The following TMEM175 variants were observed in gnomAD, a reference collection of about 807,000 sequenced individuals.
TMEM175 encodes endosomal/lysosomal proton channel TMEM175.
TMEM175 carries 36 observed loss-of-function variants against 36.5 expected under a neutral mutation model. That is an observed-to-expected ratio of 0.99 (90% CI 0.76 to 1.30). TMEM175 has a LOEUF of 1.30. Among genes scored for constraint, TMEM175 ranks in the 50% most tolerant of loss-of-function variants. TMEM175 has a pLI of 0.00. For missense variants in TMEM175, 705 were observed against 692.8 expected (o/e 1.02, Z -0.20); for synonymous variants, 339 against 313.4 (o/e 1.08, Z -0.86).
chr4:950,002 C>T (rs1218576413), intron 3 of TMEM175, among the ~76,000 whole-genome samples: 2 of 152,168 alleles, frequency 1.3e-5, no homozygotes, highest in Non-Finnish European at 2.9e-5. Context: ...TGCTTTTGCC[C>T]TCCTGTCCCC....
intron 1 of TMEM175, among the ~76,000 whole-genome samples, chr4:945,621 G>C (rs763002333): frequency 6.6e-6 from 1 of 152,096 alleles, no homozygotes; most frequent in Non-Finnish European, 1.5e-5. Context: ...TGTGCGTCTC[G>C]CCTTGGTGTG....
intron 5 of TMEM175, 90 bp downstream of exon 5, chr4:951,348 C>A: frequency 6.9e-7 from 1 of 1,439,848 alleles, no homozygotes; most frequent in South Asian, 1.1e-5. Context: ...CGGCCTCTCT[C>A]GTGACCTCCA....
At chr4:952,539 G>T in intron 7 of TMEM175, 89 bp downstream of exon 7, 2 of 1,354,336 alleles carry the variant, frequency 1.5e-6, no homozygotes, top group South Asian at 1.2e-5. Context: ...GGGTCGTGCA[G>T]GTAGGGGGCC....
intron 7 of TMEM175, 69 bp from the exon 8 acceptor site, chr4:953,121 G>T: frequency 6.7e-7 from 1 of 1,493,896 alleles, no homozygotes. Context: ...CATGCAGCCC[G>T]GGGGTTGACT....
intron 10 of TMEM175, chr4:956,790 G>C: frequency 3.2e-6 from 1 of 313,250 alleles, no homozygotes; most frequent in Non-Finnish European, 6.2e-6. Context: ...TCCTTTTGGA[G>C]TGTCTTGTTC....
chr4:957,417 C>T (rs920035811), intron 10 of TMEM175, among the ~76,000 whole-genome samples: 5 of 152,224 alleles, frequency 3.3e-5, no homozygotes, highest in African/African-American at 9.6e-5. Flanking sequence ...TGCAGATCTT[C>T]AGCCAGGGTG....
At chr4:942,005 A>G (rs1000154536) in intron 1 of TMEM175, among the ~76,000 whole-genome samples, 2 of 152,034 alleles carry the variant, frequency 1.3e-5, no homozygotes, top group African/African-American at 4.8e-5. Flanking sequence ...TCATTGATCC[A>G]CTTCGAGTTA....
At chr4:945,444 C>T (rs1728023191) in intron 1 of TMEM175, among the ~76,000 whole-genome samples, 1 of 152,172 alleles carries the variant, frequency 6.6e-6, no homozygotes, top group South Asian at 2.1e-4. Context: ...AGGTCCCTGC[C>T]CTCCCGTCGC....
chr4:939,369 T>A (rs1727161549), intron 1 of TMEM175, among the ~76,000 whole-genome samples: 1 of 151,986 alleles, frequency 6.6e-6, no homozygotes, highest in African/African-American at 2.4e-5. Context: ...TCACTTGAGG[T>A]CAGGAGTTCG....
rs148186422 is a variant in TMEM175 at position 947,951 on chromosome 4, A to G, written c.153+59A>G. On this transcript the variant is annotated intron_variant, in intron 2 of 10. Transcript: ENST00000264771. ...CCCCGAGCCTCTCGAGGCACTGCCC[A>G]GCCCACCTCAGACCTGTCTAGGTCT... 7.5e-3 allele frequency: 12,061 copies of G among 1,612,922 alleles called. 582 individuals carry two copies. In the South Asian group the frequency reaches 0.096, roughly 13 times the overall value.
At chr4:935,927 C>T (rs577928300) in intron 1 of TMEM175, among the ~76,000 whole-genome samples, 2 of 152,020 alleles carry the variant, frequency 1.3e-5, no homozygotes, top group South Asian at 4.2e-4. Context: ...AAGAAGAAAT[C>T]AAAAAGGAAA....
At chr4:948,288 G>T in intron 3 of TMEM175, 134 bp downstream of exon 3, 2 of 1,576,904 alleles carry the variant, frequency 1.3e-6, no homozygotes, top group South Asian at 2.3e-5. Context: ...GCGGGAGGCG[G>T]GGGCCTCCTT....
intron 1 of TMEM175, among the ~76,000 whole-genome samples, chr4:942,658 GAGAC>G (rs1224744868): frequency 9.8e-6 from 1 of 101,640 alleles, no homozygotes; most frequent in Non-Finnish European, 2.0e-5. Flanking sequence ...TTTTCTTTTT[GAGAC>G]AGAGTCTCAC....
chr4:952,449 A>G lies in TMEM175; in HGVS notation c.461A>G (p.Gln154Arg), dbSNP rs1423344065. Reference sequence around the variant, plus strand: ...TGTGTGATCGCCATTGGGGTCGTGCAGGTAGGGGGCCTGGGGGGCCTGCAC... The same window carrying G: ...TGTGTGATCGCCATTGGGGTCGTGCGGGTAGGGGGCCTGGGGGGCCTGCAC... Reference protein sequence around the residue: ...CVCVIAIGVVQALIVGYAFHF... With the variant: ...CVCVIAIGVVRALIVGYAFHF... The change falls in exon 7 of 11, where the codon CAG (glutamine) becomes CGG (arginine). Residue 154 changes from glutamine to arginine, a missense_variant and splice_region_variant. Coordinates refer to ENST00000264771, the MANE Select transcript of TMEM175 (RefSeq NM_032326.4). 2 of 1,572,030 alleles carry G rather than the reference A, an allele frequency of 1.3e-6. No homozygotes were observed. The highest frequency in any genetic ancestry group is 1.8e-5 in the Admixed American group (1 of 57,056).
chr4:948,761 G>A (rs1026287413), intron 3 of TMEM175: 7 of 972,364 alleles, frequency 7.2e-6, no homozygotes, highest in East Asian at 6.2e-5. Flanking sequence ...AGGGTCGTGC[G>A]GCCCAAGCTT....
chr4:940,273 GC>G (rs1204959608), intron 1 of TMEM175, among the ~76,000 whole-genome samples: 1 of 151,716 alleles, frequency 6.6e-6, no homozygotes, highest in Admixed American at 6.6e-5. Flanking sequence ...ACATGGTGAA[GC>G]CCCACCTTTA....
In TMEM175 at chr4:945,177, A is replaced by G. The variant is rs79371936; in HGVS notation, c.-31-2532A>G. On this transcript the variant is annotated intron_variant, in intron 1 of 10. Coordinates refer to ENST00000264771, the MANE Select transcript of TMEM175 (RefSeq NM_032326.4). The stretch of plus-strand genomic sequence containing the variant: ...AGCCTGTCATGGCAGTCCCAGTGAG[A>G]CTGCCTGGAATGGACCCTTGGAGGG... Among the ~76,000 whole-genome samples, 92 of 72,854 alleles carry G rather than the reference A, an allele frequency of 1.3e-3. No homozygotes were observed. In the East Asian group the frequency reaches 0.024, roughly 19 times the overall value. 47.8% of individuals were successfully genotyped at this position (72,854 alleles called of 152,430 possible). A position where few individuals can be genotyped will look rare whatever the true frequency, so the allele number is the denominator to read the frequency against.
At chr4:953,861 T>G (rs1729277718) in intron 8 of TMEM175, among the ~76,000 whole-genome samples, 1 of 152,160 alleles carries the variant, frequency 6.6e-6, no homozygotes, top group Non-Finnish European at 1.5e-5. Context: ...AGTTTTGGTA[T>G]TTTTTGTGGA....
intron 4 of TMEM175, 105 bp from the exon 5 acceptor site, chr4:951,102 C>T: frequency 9.0e-7 from 1 of 1,116,358 alleles, no homozygotes; most frequent in Non-Finnish European, 1.4e-6. Context: ...TTAACAGTGA[C>T]ATCTTTTAAT....
Sources: gnomAD v4.1 joint callset for allele counts (sites outside exome capture counted in the v4.1 genomes callset) on GRCh38, gnomAD v4.1.1 for gene constraint, MANE v1.5 for transcripts, NCBI Gene and HGNC (gene_info 2026-07-23, HGNC 2026-07-21) for gene names.